MYO3A: variants seen among roughly 807,000 people sequenced by gnomAD.
MYO3A encodes the protein myosin IIIA.
A neutral mutation model predicts 192.7 loss-of-function variants in MYO3A; 180 were observed. The observed-to-expected ratio is 0.93, with a 90% CI of 0.83 to 1.06. The LOEUF (loss-of-function observed/expected upper bound fraction) is 1.06. Ranked by LOEUF, MYO3A falls within the 50% of genes least tolerant of loss-of-function variation. The pLI, the probability that MYO3A is intolerant of heterozygous loss-of-function variation, is 0.00. For missense variants in MYO3A, 1,896 were observed against 1,905.0 expected (o/e 1.00, Z 0.09); for synonymous variants, 628 against 645.3 (o/e 0.97, Z 0.41).
intron 20 of MYO3A, among the ~76,000 whole-genome samples, chr10:26,142,516 T>C (rs76469390): frequency 0.012 from 1,837 of 152,346 alleles, 50 homozygotes; most frequent in African/African-American, 0.042. Flanking sequence ...ATTTTACACA[T>C]CTTATATTAC....
At chr10:26,156,701 T>G (rs796843195) in intron 25 of MYO3A, among the ~76,000 whole-genome samples, 5 of 152,274 alleles carry the variant, frequency 3.3e-5, no homozygotes, top group African/African-American at 1.2e-4. Context: ...TTTTTTTAAT[T>G]GTATTTTAAG....
At chr10:26,188,266 G>GT (rs1842957910) in intron 31 of MYO3A, among the ~76,000 whole-genome samples, 1 of 152,130 alleles carries the variant, frequency 6.6e-6, no homozygotes, top group Non-Finnish European at 1.5e-5. Context: ...TTTTTCATGT[G>GT]TTTTTTGGCT....
chr10:26,067,790 T>C (rs929410487), intron 11 of MYO3A, among the ~76,000 whole-genome samples: 1 of 152,216 alleles, frequency 6.6e-6, no homozygotes, highest in Non-Finnish European at 1.5e-5. Flanking sequence ...AAATGCCCTC[T>C]TTTTAGCAGA....
At chr10:26,025,862 G>C (rs1167697710) in intron 9 of MYO3A, among the ~76,000 whole-genome samples, 2 of 152,168 alleles carry the variant, frequency 1.3e-5, no homozygotes, top group Non-Finnish European at 2.9e-5. Context: ...TATTGACATG[G>C]AATTTAAACA....
chr10:26,140,615 G>A (rs1840100008), intron 20 of MYO3A, among the ~76,000 whole-genome samples: 1 of 151,472 alleles, frequency 6.6e-6, no homozygotes, highest in African/African-American at 2.4e-5. Flanking sequence ...AACCCGGGAA[G>A]TGGAAGTTGC....
chr10:26,080,334 C>A (rs1175604784), intron 14 of MYO3A, among the ~76,000 whole-genome samples: 2 of 152,094 alleles, frequency 1.3e-5, no homozygotes, highest in African/African-American at 4.8e-5. Flanking sequence ...CTTTCCACAG[C>A]ATTTCACATC....
chr10:26,210,314 C>CA (rs1241096562), intron 34 of MYO3A, among the ~76,000 whole-genome samples: 1 of 152,210 alleles, frequency 6.6e-6, no homozygotes, highest in African/African-American at 2.4e-5. Context: ...TATCCCACTG[C>CA]AAAAATTATG....
intron 23 of MYO3A, among the ~76,000 whole-genome samples, chr10:26,151,702 T>C (rs540088378): frequency 6.6e-6 from 1 of 152,218 alleles, no homozygotes; most frequent in Non-Finnish European, 1.5e-5. Flanking sequence ...TTGACTCTTA[T>C]CATCTTGCCA....
Position 26,143,520 on chromosome 10 carries a change from T to G in MYO3A, c.2335T>G (p.Phe779Val). The change falls in exon 21 of 35, where the codon TTT becomes GTT. Residue 779 changes from phenylalanine to valine, a missense_variant. Phe to Val is a conservative substitution (Grantham distance 50). Transcript: ENST00000642920. Reference protein sequence around the residue: ...YEDNWPLLDMFLQKPMGLLSL... With the variant: ...YEDNWPLLDMVLQKPMGLLSL... ...GGATAACTGGCCCCTCTTAGATATG[T>G]TTCTGCAAAAGCCAATGGGTTTACT... 1 of 1,613,964 alleles carries G rather than the reference T, an allele frequency of 6.2e-7. No homozygotes were observed. The highest frequency in any genetic ancestry group is 1.7e-4 in the Middle Eastern group (1 of 6,060).
chr10:26,128,062 C>A (rs1839315669), intron 19 of MYO3A, among the ~76,000 whole-genome samples: 1 of 151,958 alleles, frequency 6.6e-6, no homozygotes, highest in Admixed American at 6.6e-5. Context: ...TAATTGCTTC[C>A]CAAGTTGTTC....
intron 26 of MYO3A, among the ~76,000 whole-genome samples, chr10:26,163,085 G>C (rs1383343875): frequency 6.6e-6 from 1 of 152,254 alleles, no homozygotes; most frequent in Admixed American, 6.5e-5. Flanking sequence ...AGCTCGGAGT[G>C]TCATGGAAAA....
At chr10:26,188,034 A>G (rs1842945190) in intron 31 of MYO3A, among the ~76,000 whole-genome samples, 1 of 152,128 alleles carries the variant, frequency 6.6e-6, no homozygotes, top group Non-Finnish European at 1.5e-5. Flanking sequence ...GTCAAATGGT[A>G]TTTCTAGTTC....
intron 31 of MYO3A, among the ~76,000 whole-genome samples, chr10:26,192,488 A>G (rs192104671): frequency 1.3e-5 from 2 of 152,152 alleles, no homozygotes; most frequent in Non-Finnish European, 2.9e-5. Context: ...GGGAAGGGAC[A>G]GAAGAGGTTC....
In MYO3A at chr10:26,170,481, A is replaced by G; in HGVS notation, c.3340A>G (p.Thr1114Ala). The change falls in exon 29 of 35, where the codon ACA becomes GCA. Residue 1114 changes from threonine (T) to alanine (A), a missense_variant. Thr to Ala is a moderately conservative substitution (Grantham distance 58). Coordinates refer to ENST00000642920, the MANE Select transcript of MYO3A (RefSeq NM_017433.5). ...TGTTGACATGAAAAACACAGCAGTA[A>G]CAACCATTCAAACTTCTGATCAGGA... The part of the protein sequence containing the change: ...EIVDMKNTAV[T>A]TIQTSDQEFD... The G allele has an allele frequency of 6.2e-7, 1 of 1,613,488 alleles. No individual in the cohort carries two copies. Among genetic ancestry groups the G allele is most frequent in the Non-Finnish European group, 8.5e-7 (1 of 1,179,664 alleles).
At chr10:26,140,403 G>A (rs746756076) in intron 20 of MYO3A, among the ~76,000 whole-genome samples, 1 of 152,186 alleles carries the variant, frequency 6.6e-6, no homozygotes. Flanking sequence ...CAAGGGAGAG[G>A]CTGGGCACGG....
At chr10:26,160,352 G>A (rs1172605882) in intron 26 of MYO3A, among the ~76,000 whole-genome samples, 1 of 152,194 alleles carries the variant, frequency 6.6e-6, no homozygotes, top group African/African-American at 2.4e-5. Context: ...TTCAAGGGAA[G>A]GAAGAGCATC....
chr10:26,193,282 G>C lies in MYO3A; in HGVS notation c.4516G>C (p.Glu1506Gln), dbSNP rs779605870. Residue 1506 changes from glutamate (E) to glutamine (Q), a missense_variant, in exon 32 of 35, where the codon GAA (glutamate) becomes CAA (glutamine). Coordinates refer to ENST00000642920, the MANE Select transcript of MYO3A (RefSeq NM_017433.5). ...PRKPKTLNNP[E>Q]DSTYYYLLHK... is the part of the protein sequence containing the mutation. The stretch of plus-strand genomic sequence containing the variant: ...GAAACCCAAAACATTAAATAACCCT[G>C]AAGACTCCACATACTATTATCTACT... The C allele has an allele frequency of 1.2e-6, 2 of 1,613,704 alleles. No homozygotes were observed. The highest frequency in any genetic ancestry group is 2.7e-5 in the African/African-American group (2 of 74,960).
chr10:26,029,960 T>C (rs750635503), intron 10 of MYO3A, among the ~76,000 whole-genome samples: 1 of 152,232 alleles, frequency 6.6e-6, no homozygotes. Context: ...CCAGGGCCCA[T>C]TGTGATTTGA....
intron 32 of MYO3A, among the ~76,000 whole-genome samples, chr10:26,195,297 AT>A (rs1259985985): frequency 1.3e-5 from 2 of 152,042 alleles, no homozygotes; most frequent in Non-Finnish European, 2.9e-5. Flanking sequence ...AAATCCAAAT[AT>A]CTCTTGAGTT....
Sources: gnomAD v4.1 joint callset for allele counts (sites outside exome capture counted in the v4.1 genomes callset) on GRCh38, gnomAD v4.1.1 for gene constraint, MANE v1.5 for transcripts, NCBI Gene and HGNC (gene_info 2026-07-23, HGNC 2026-07-21) for gene names.